Variants in PEMT observed in about 807,000 individuals in gnomAD.
The protein encoded by PEMT is phospholipid methyltransferase.
In PEMT, 23 loss-of-function variants were observed where a neutral mutation model predicts 27.4. That is an observed-to-expected ratio of 0.84 (90% CI 0.60 to 1.19). The LOEUF (loss-of-function observed/expected upper bound fraction) is 1.19. Ranked by LOEUF, PEMT falls within the 50% of genes most tolerant of loss-of-function variation. The probability of loss-of-function intolerance (pLI) is 0.00; values close to 1 mark genes in which losing one functional copy is unlikely to be tolerated. For missense variants in PEMT, 307 were observed against 310.1 expected (o/e 0.99, Z 0.07); for synonymous variants, 137 against 139.1 (o/e 0.98, Z 0.11).
intron 1 of PEMT, among the ~76,000 whole-genome samples, chr17:17,579,138 G>A (rs1293497716): frequency 2.0e-5 from 3 of 152,198 alleles, no homozygotes; most frequent in African/African-American, 4.8e-5. Context: ...GCCCTGGGGG[G>A]CAAGCGCAGC....
rs113887195 is a variant in PEMT, at chr17:17,586,288, G to GA, written c.96+5242dup. On this transcript the variant is annotated intron_variant, in intron 1 of 6. Transcript: ENST00000255389. ...AGAAAGAAAGAAAGAAAGAAAGAAA[G>GA]AAAAAAAAAAACGCAGGTGGAAAAT... Among the ~76,000 whole-genome samples, 290 of 72,030 alleles carry GA rather than the reference G, an allele frequency of 4.0e-3. 12 individuals are homozygous for GA. Among genetic ancestry groups the GA allele is most frequent in the East Asian group, 0.015 (38 of 2,566 alleles). The allele number at this position is 72,030 out of a possible 152,430, so 47.3% of individuals were successfully genotyped here. A position where few individuals can be genotyped will look rare whatever the true frequency, so the allele number is the denominator to read the frequency against.
rs527613235 is a variant in PEMT, at chr17:17,521,487, C to A, written c.320+793G>T. Among the ~76,000 whole-genome samples the A allele has an allele frequency of 2.0e-5, 3 of 152,062 alleles. No individual in the cohort carries two copies. The East Asian group carries it at 5.8e-4, about 29-fold the overall frequency. On this transcript the variant is annotated intron_variant, in intron 3 of 6. Transcript: ENST00000255389. The stretch of plus-strand genomic sequence containing the variant: ...TGTGCCTCATCATCTAGTTCCAGTT[C>A]TTCTTCTCTGACCTTTTCATTTGAC...
chr17:17,588,145 C>T (rs1246600290), intron 1 of PEMT, among the ~76,000 whole-genome samples: 1 of 152,176 alleles, frequency 6.6e-6, no homozygotes, highest in East Asian at 1.9e-4. Flanking sequence ...TTTTGATGAG[C>T]AGCCACGGAA....
intron 2 of PEMT, among the ~76,000 whole-genome samples, chr17:17,554,146 C>G (rs1253702878): frequency 6.6e-6 from 1 of 152,366 alleles, no homozygotes; most frequent in African/African-American, 2.4e-5. Context: ...TCCGTTCTGT[C>G]CTCTTGTCTG....
intron 1 of PEMT, among the ~76,000 whole-genome samples, chr17:17,587,643 A>G (rs1177844376): frequency 6.6e-6 from 1 of 152,140 alleles, no homozygotes; most frequent in Non-Finnish European, 1.5e-5. Context: ...TGGGTGGATC[A>G]CTTAAGGTCA....
At chr17:17,591,200 T>A (rs1912566845) in intron 1 of PEMT, among the ~76,000 whole-genome samples, 1 of 151,446 alleles carries the variant, frequency 6.6e-6, no homozygotes, top group Non-Finnish European at 1.5e-5. Context: ...TCACATAATT[T>A]CAGTGAGACA....
chr17:17,531,271 G>T (rs2142566425), intron 2 of PEMT, among the ~76,000 whole-genome samples: 2 of 152,162 alleles, frequency 1.3e-5, no homozygotes, highest in South Asian at 4.1e-4. Context: ...CACTTGAAGG[G>T]TCCCCAGCTG....
At position 17,512,591 on chromosome 17, in the gene PEMT, G is replaced by C; in HGVS notation, c.384C>G (p.Ser128Arg). ...MESLDTPAAY[S>R]LGLALLGLGV... ...CCAGTCCCAGGAGCGCGAGGCCCAG[G>C]CTGTAGGCCGCGGGGGTGTCCAGGC... is the stretch of plus-strand genomic sequence containing the variant. Residue 128 changes from serine (S) to arginine (R), a missense_variant, in exon 4 of 7, where the codon AGC (serine) becomes AGG (arginine). Physicochemically the swap from Ser to Arg is moderately radical, Grantham distance 110. Transcript: ENST00000255389. This position sits in a 1 kb window ranked among gnomAD's most constrained non-coding sequence, Gnocchi z 6.3. The C allele has an allele frequency of 6.2e-7, 1 of 1,606,152 alleles. No individual in the cohort carries two copies. Among genetic ancestry groups the C allele is most frequent in the Non-Finnish European group, 8.5e-7 (1 of 1,176,140 alleles).
At chr17:17,555,633 AGG>A (rs1909995917) in intron 2 of PEMT, among the ~76,000 whole-genome samples, 1 of 152,116 alleles carries the variant, frequency 6.6e-6, no homozygotes, top group Admixed American at 6.5e-5. Context: ...TCCACTCAGA[AGG>A]TGGCCTGGGC....
intron 2 of PEMT, among the ~76,000 whole-genome samples, chr17:17,531,229 C>T (rs139919763): frequency 2.0e-4 from 31 of 152,068 alleles, no homozygotes; most frequent in East Asian, 5.8e-4. Flanking sequence ...CTATGAAAGA[C>T]GAGGTGGAAA....
chr17:17,586,272 G>GAAAGAA (rs1912289554), intron 1 of PEMT, among the ~76,000 whole-genome samples: 3 of 107,952 alleles, frequency 2.8e-5, no homozygotes, highest in African/African-American at 1.3e-4. Context: ...AAGAAAGAAA[G>GAAAGAA]AAAGAAAGAA....
intron 5 of PEMT, chr17:17,507,061 A>G (rs1597863583): frequency 9.5e-7 from 1 of 1,057,046 alleles, no homozygotes; most frequent in East Asian, 2.6e-5. Flanking sequence ...CACACCAGTA[A>G]GCAGCGGCAG....
chr17:17,507,289 G>A (rs901590538), intron 5 of PEMT: 4 of 1,087,834 alleles, frequency 3.7e-6, no homozygotes, highest in Non-Finnish European at 5.4e-6. Flanking sequence ...CGCATGGGCA[G>A]GCCTGGGCCA....
At chr17:17,587,534 G>A (rs1912380205) in intron 1 of PEMT, among the ~76,000 whole-genome samples, 1 of 152,030 alleles carries the variant, frequency 6.6e-6, no homozygotes, top group South Asian at 2.1e-4. Flanking sequence ...ATGGAAGAGG[G>A]AGGCAATACT....
rs1052178931 is a variant in PEMT at position 17,513,173 on chromosome 17, G to C, written c.321-519C>G. ...TAGGGATTGCGCTTCCACAGCCCCT[G>C]TGGGTCTGGCCACATCCTGGGTGGC... On this transcript the variant is annotated intron_variant, in intron 3 of 6. Coordinates refer to ENST00000255389, the MANE Select transcript of PEMT (RefSeq NM_148172.3). This position sits in a 1 kb window ranked among gnomAD's most constrained non-coding sequence, Gnocchi z 4.1. Among the ~76,000 whole-genome samples, 3 of 152,226 alleles carry C rather than the reference G, an allele frequency of 2.0e-5. No homozygotes were observed. Among genetic ancestry groups the C allele is most frequent in the Non-Finnish European group, 4.4e-5 (3 of 68,036 alleles).
intron 1 of PEMT, among the ~76,000 whole-genome samples, chr17:17,590,001 TAGATGGGTCTGCAAA>T (rs1464712349): frequency 2.6e-5 from 4 of 151,992 alleles, no homozygotes; most frequent in Non-Finnish European, 5.9e-5. Flanking sequence ...GGCAGGCCCC[TAGATGGGTCTGCAAA>T]GGGACACTGC....
intron 2 of PEMT, among the ~76,000 whole-genome samples, chr17:17,552,816 C>G (rs925965020): frequency 4.6e-5 from 7 of 152,238 alleles, no homozygotes; most frequent in Non-Finnish European, 8.8e-5. Flanking sequence ...AGGGCAGGGG[C>G]GTGTCTCAGC....
At chr17:17,576,214 C>T (rs577652578) in intron 2 of PEMT, among the ~76,000 whole-genome samples, 1 of 152,222 alleles carries the variant, frequency 6.6e-6, no homozygotes, top group South Asian at 2.1e-4. Context: ...GTGTGGGAGG[C>T]ATCTCAGAAA....
In PEMT at chr17:17,523,670, G is replaced by A. The variant is rs916777992; in HGVS notation, c.205-1275C>T. Reference sequence around the variant, plus strand: ...GCTGACTCTGTGGGAAGCTCAAAAGGCGGAAGGAATAAGCGCTGCAGGGGT... The same window carrying A: ...GCTGACTCTGTGGGAAGCTCAAAAGACGGAAGGAATAAGCGCTGCAGGGGT... On this transcript the variant is annotated intron_variant, in intron 2 of 6. Transcript: ENST00000255389. The surrounding 1 kb of genome is among the most constrained non-coding windows in gnomAD (Gnocchi z 4.8). Among the ~76,000 whole-genome samples the A allele has an allele frequency of 6.6e-6, 1 of 152,094 alleles. No homozygotes were observed. Among genetic ancestry groups the A allele is most frequent in the East Asian group, 1.9e-4 (1 of 5,184 alleles).
Sources: allele counts gnomAD v4.1 joint callset (sites outside exome capture counted in the v4.1 genomes callset), GRCh38; gene constraint gnomAD v4.1.1; non-coding constraint Gnocchi (gnomAD v3.1); transcripts MANE v1.5; gene names NCBI Gene and HGNC (gene_info 2026-07-23, HGNC 2026-07-21).